GRID2: variants seen among roughly 807,000 people sequenced by gnomAD.
GRID2 encodes glutamate receptor ionotropic, delta-2.
Under a neutral mutation model 114.8 loss-of-function variants are expected in GRID2, and 33 were observed. That is an observed-to-expected ratio of 0.29 (90% confidence interval 0.22 to 0.38). The LOEUF (loss-of-function observed/expected upper bound fraction) is 0.38, where lower values mean the gene tolerates loss of function less well. Among genes scored for constraint, GRID2 ranks in the 10% least tolerant of loss-of-function variants. The pLI is 1.00. For synonymous variants in GRID2, 505 were observed against 449.9 expected, an observed-to-expected ratio of 1.12 and a Z score of -1.55; for missense variants, 1,184 against 1,257.7, an observed-to-expected ratio of 0.94 and a Z score of 0.89.
At chr4:93,219,406 G>C (rs891114937) in intron 6 of GRID2, among the ~76,000 whole-genome samples, 1 of 152,032 alleles carries the variant, frequency 6.6e-6, no homozygotes, top group Admixed American at 6.6e-5. Context: ...AATAAAGTAT[G>C]GGGAAGCACC....
chr4:93,042,079 A>G (rs1725569702), intron 2 of GRID2, among the ~76,000 whole-genome samples: 1 of 151,456 alleles, frequency 6.6e-6, no homozygotes. Context: ...ATTTTTTTGT[A>G]TTTTTAGTAG....
chr4:93,111,166 A>G (rs183395052), intron 4 of GRID2, among the ~76,000 whole-genome samples: 8 of 152,286 alleles, frequency 5.3e-5, no homozygotes, highest in Admixed American at 2.0e-4. Flanking sequence ...GTTTATATAT[A>G]TTTAGGCACA....
chr4:93,541,975 A>G (rs1298771587), intron 13 of GRID2, among the ~76,000 whole-genome samples: 1 of 152,202 alleles, frequency 6.6e-6, no homozygotes, highest in Non-Finnish European at 1.5e-5. Context: ...ATATTTTCCT[A>G]AATTGAACTA....
chr4:92,539,058 AG>A (rs1270791609), intron 1 of GRID2, among the ~76,000 whole-genome samples: 3 of 137,934 alleles, frequency 2.2e-5, no homozygotes, highest in South Asian at 5.0e-4. Flanking sequence ...AAAAAAAAAA[AG>A]TGTCTAATAG....
intron 2 of GRID2, among the ~76,000 whole-genome samples, chr4:92,664,469 A>G (rs1732670851): frequency 6.6e-6 from 1 of 151,114 alleles, no homozygotes; most frequent in Admixed American, 6.6e-5. Flanking sequence ...TTAAAAATAT[A>G]TATATATTGG....
chr4:93,433,264 T>C (rs1198700753), intron 10 of GRID2, among the ~76,000 whole-genome samples: 1 of 152,174 alleles, frequency 6.6e-6, no homozygotes, highest in Non-Finnish European at 1.5e-5. Flanking sequence ...TGAAATATAT[T>C]AGGAGGTTGG....
intron 8 of GRID2, among the ~76,000 whole-genome samples, chr4:93,257,366 C>T (rs1749711014): frequency 6.6e-6 from 1 of 151,652 alleles, no homozygotes; most frequent in Non-Finnish European, 1.5e-5. Flanking sequence ...CACTTCAGTG[C>T]AATGACATTG....
chr4:92,940,230 C>G (rs1220269106), intron 2 of GRID2, among the ~76,000 whole-genome samples: 1 of 147,022 alleles, frequency 6.8e-6, no homozygotes, highest in Non-Finnish European at 1.5e-5. Flanking sequence ...TTTGTATCCT[C>G]TTTTATTTCA....
chr4:92,702,993 G>C (rs1261990604), intron 2 of GRID2, among the ~76,000 whole-genome samples: 9 of 152,094 alleles, frequency 5.9e-5, no homozygotes, highest in Non-Finnish European at 1.3e-4. Context: ...CAACCATTAA[G>C]CTTGCTTAAG....
chr4:92,528,128 A>G (rs1471517997), intron 1 of GRID2, among the ~76,000 whole-genome samples: 2 of 151,952 alleles, frequency 1.3e-5, no homozygotes, highest in Non-Finnish European at 2.9e-5. Flanking sequence ...CATCATCAAA[A>G]TTACTCTTCT....
At chr4:93,718,749 C>T (rs1729114209) in intron 14 of GRID2, among the ~76,000 whole-genome samples, 1 of 152,032 alleles carries the variant, frequency 6.6e-6, no homozygotes, top group Non-Finnish European at 1.5e-5. Flanking sequence ...CAATGCAGTA[C>T]AGAGGATAAA....
chr4:93,450,729 G>A (rs957231014), intron 10 of GRID2, among the ~76,000 whole-genome samples: 8 of 151,744 alleles, frequency 5.3e-5, no homozygotes, highest in Middle Eastern at 3.5e-3. Context: ...TTTTAAAAAT[G>A]TATTTATATT....
At chr4:92,805,983 G>T (rs1578215383) in intron 2 of GRID2, among the ~76,000 whole-genome samples, 1 of 151,388 alleles carries the variant, frequency 6.6e-6, no homozygotes, top group East Asian at 2.0e-4. Context: ...ATCATATTTT[G>T]TATTGATCTT....
At chr4:92,441,868 A>C (rs941044404) in intron 1 of GRID2, among the ~76,000 whole-genome samples, 81 of 151,072 alleles carry the variant, frequency 5.4e-4, no homozygotes, top group African/African-American at 1.6e-3. Context: ...GGAAGAAGGG[A>C]GGCAATGAGA....
At chr4:93,303,683 T>A (rs1249118235) in intron 8 of GRID2, among the ~76,000 whole-genome samples, 1 of 152,186 alleles carries the variant, frequency 6.6e-6, no homozygotes, top group Non-Finnish European at 1.5e-5. Flanking sequence ...CTCTGTGTGT[T>A]TTTTTGTTTA....
At chr4:93,638,357 T>A (rs1374114392) in intron 14 of GRID2, among the ~76,000 whole-genome samples, 4 of 36,118 alleles carry the variant, frequency 1.1e-4, no homozygotes, top group Non-Finnish European at 2.2e-4. Flanking sequence ...GTGCACATTG[T>A]GCAGGTTAGT....
At chr4:92,656,126 T>C (rs566220588) in intron 2 of GRID2, among the ~76,000 whole-genome samples, 22 of 151,954 alleles carry the variant, frequency 1.4e-4, no homozygotes, top group African/African-American at 4.6e-4. Context: ...CTATTTTTTA[T>C]AATTGCTGTA....
At chr4:92,476,809 G>T (rs1331285176) in intron 1 of GRID2, among the ~76,000 whole-genome samples, 1 of 152,060 alleles carries the variant, frequency 6.6e-6, no homozygotes, top group African/African-American at 2.4e-5. Context: ...TTAAAATGTG[G>T]TGTTGCATAA....
chr4:93,524,112 A>G (rs1272078015), intron 13 of GRID2, among the ~76,000 whole-genome samples: 1 of 152,136 alleles, frequency 6.6e-6, no homozygotes, highest in African/African-American at 2.4e-5. Context: ...AACTAGGTAT[A>G]TGACCTCAAA....
Sources: gnomAD v4.1 joint callset for allele counts (sites outside exome capture counted in the v4.1 genomes callset) on GRCh38, gnomAD v4.1.1 for gene constraint, MANE v1.5 for transcripts, NCBI Gene and HGNC (gene_info 2026-07-23, HGNC 2026-07-21) for gene names.